CEP76: variants seen among roughly 807,000 people sequenced by gnomAD.
The protein encoded by CEP76 is centrosomal protein 76, also known as centrosomal protein of 76 kDa.
Under a neutral mutation model 83.3 loss-of-function variants are expected in CEP76, and 55 were observed. The ratio of observed to expected loss-of-function variants is 0.66; its 90% CI spans 0.53 to 0.83. The LOEUF is 0.83. Ranked by LOEUF, CEP76 falls within the 40% of genes least tolerant of loss-of-function variation. The pLI, the probability that CEP76 is intolerant of heterozygous loss-of-function variation, is 0.00. For missense variants in CEP76, 694 were observed against 799.5 expected, an observed-to-expected ratio of 0.87 and a Z score of 1.59; for synonymous variants, 270 against 274.5, an observed-to-expected ratio of 0.98 and a Z score of 0.16.
intron 9 of CEP76, 64 bp from the exon 10 acceptor site, chr18:12,678,506 G>C: frequency 1.8e-6 from 2 of 1,110,860 alleles, no homozygotes; most frequent in Non-Finnish European, 2.6e-6. Context: ...ATCTTACTGA[G>C]AAAATTATTC....
downstream of CEP76, among the ~76,000 whole-genome samples, chr18:12,669,995 C>CA (rs112045361): frequency 0.12 from 15,604 of 128,802 alleles, 941 homozygotes; most frequent in Non-Finnish European, 0.14. Context: ...CAAACTGTCT[C>CA]AAAAAAAAAA....
In CEP76 at chr18:12,699,157, A is replaced by C. The variant is rs760230672; in HGVS notation, c.342T>G (p.Gly114=). The C allele has an allele frequency of 1.2e-6, 2 of 1,614,088 alleles. No individual in the cohort carries two copies. Among genetic ancestry groups the C allele is most frequent in the South Asian group, 2.2e-5 (2 of 91,082 alleles). The part of the protein sequence containing the change: ...TRRYLYLQVL[G]GKAFLEHLQE... The stretch of plus-strand genomic sequence containing the variant: ...GCAGATGTTCCAAGAAAGCTTTTCC[A>C]CCCAAAACCTGAAGGTAAAGATACC... The change falls in exon 4 of 12, where the codon GGT becomes GGG. Residue 114 remains glycine, a synonymous_variant. Coordinates refer to ENST00000262127, the MANE Select transcript of CEP76 (RefSeq NM_024899.4).
chr18:12,702,709 G>A lies in CEP76; in HGVS notation c.-161C>T, dbSNP rs2040202338. 5 of 743,802 alleles carry A rather than the reference G, an allele frequency of 6.7e-6. No homozygotes were observed. In the South Asian group the frequency reaches 7.9e-5, roughly 12 times the overall value. 46.1% of individuals were successfully genotyped at this position (743,802 alleles called of 1,614,324 possible). A position where few individuals can be genotyped will look rare whatever the true frequency, so the allele number is the denominator to read the frequency against. On this transcript the variant is annotated 5_prime_UTR_variant, in exon 1 of 12. Transcript: ENST00000262127. The stretch of plus-strand genomic sequence containing the variant: ...GGACGCAACGCCGCGTCAGGCCGGG[G>A]GCTGACCTGGAAATGAGGCCCCGGC...
At chr18:12,702,416 G>A (rs772648012) in intron 1 of CEP76, 70 bp downstream of exon 1, 2 of 1,244,320 alleles carry the variant, frequency 1.6e-6, no homozygotes, top group South Asian at 1.2e-5. Flanking sequence ...CTGTCGGCCC[G>A]GGGCCGCCGG....
In CEP76 at chr18:12,695,366, ATTTTGAACTTC is replaced by A. The variant is rs762635359; in HGVS notation, c.707-26_707-16del. ...TGATTCTGTGCCTATAAACATAAAT[ATTTTGAACTTC>A]AGAGATTTCAATACTATATATATTT... On this transcript the variant is annotated splice_polypyrimidine_tract_variant and intron_variant, in intron 5 of 11. Coordinates refer to ENST00000262127, the MANE Select transcript of CEP76 (RefSeq NM_024899.4). The A allele has an allele frequency of 4.7e-6, 6 of 1,289,284 alleles. No homozygotes were observed. The highest frequency in any genetic ancestry group is 6.6e-6 in the Non-Finnish European group (6 of 913,434). The allele number at this position is 1,289,284 out of a possible 1,614,324, so 79.9% of individuals were successfully genotyped here. A position where few individuals can be genotyped will look rare whatever the true frequency, so the allele number is the denominator to read the frequency against.
intron 7 of CEP76, among the ~76,000 whole-genome samples, chr18:12,687,033 G>A (rs2039563658): frequency 6.6e-6 from 1 of 152,154 alleles, no homozygotes; most frequent in African/African-American, 2.4e-5. Context: ...TCCTGGTGTT[G>A]GTGCTGAATA....
intron 8 of CEP76, 83 bp from the exon 9 acceptor site, chr18:12,680,911 T>A (rs1316067608): frequency 2.7e-5 from 34 of 1,280,542 alleles, no homozygotes; most frequent in Non-Finnish European, 3.3e-5. Flanking sequence ...ATAATAAAAA[T>A]TTATTGGCTG....
At chr18:12,692,910 A>G (rs1215177546) in intron 6 of CEP76, among the ~76,000 whole-genome samples, 4 of 152,162 alleles carry the variant, frequency 2.6e-5, no homozygotes, top group Non-Finnish European at 5.9e-5. Flanking sequence ...GTAGCCTCGA[A>G]TTCCTGGGCT....
chr18:12,699,045 C>G lies in CEP76; in HGVS notation c.454G>C (p.Val152Leu), dbSNP rs760012314. 1.1e-5 allele frequency: 17 copies of G among 1,613,822 alleles called. No individual in the cohort carries two copies. The highest frequency in any genetic ancestry group is 1.4e-5 in the Non-Finnish European group (16 of 1,179,934). Residue 152 changes from valine (V) to leucine (L), a missense_variant, in exon 4 of 12, where the codon GTT becomes CTT. Physicochemically the swap from Val to Leu is conservative, Grantham distance 32. Coordinates refer to ENST00000262127, the MANE Select transcript of CEP76 (RefSeq NM_024899.4). ...AAATCTGGTTCACAGGCACATGGAA[C>G]AGGTTTAGAACGAAAACGTTGGTTT... ...YRNQRFRSKP[V>L]PCACEPDFHD...
chr18:12,702,706 G>A lies in CEP76; in HGVS notation c.-158C>T, dbSNP rs35699948. ...GGGGGACGCAACGCCGCGTCAGGCC[G>A]GGGGCTGACCTGGAAATGAGGCCCC... On this transcript the variant is annotated 5_prime_UTR_variant, in exon 1 of 12. Transcript: ENST00000262127. The A allele has an allele frequency of 2.6e-6, 2 of 769,668 alleles. No homozygotes were observed. The highest frequency in any genetic ancestry group is 1.9e-5 in the South Asian group (1 of 51,746). The allele number at this position is 769,668 out of a possible 1,614,324, so 47.7% of individuals were successfully genotyped here.
At chr18:12,675,467 C>G (rs1465878156) in intron 10 of CEP76, among the ~76,000 whole-genome samples, 1 of 152,094 alleles carries the variant, frequency 6.6e-6, no homozygotes, top group Non-Finnish European at 1.5e-5. Flanking sequence ...AAGACTGACT[C>G]TTCCTACCAT....
rs1337314132 is a variant in CEP76, at chr18:12,690,745, G to A, written c.933+614C>T. 7.9e-5 allele frequency among the ~76,000 whole-genome samples: 12 copies of A among 152,084 alleles called. 1 individual carries two copies. The highest frequency in any genetic ancestry group is 1.9e-4 in the East Asian group (1 of 5,196). On this transcript the variant is annotated intron_variant, in intron 7 of 11. Coordinates refer to ENST00000262127, the MANE Select transcript of CEP76 (RefSeq NM_024899.4). ...GCTGGGATTACAGGCGTGAGCCACC[G>A]CGCCTAGCTGACCTGACCATATATT...
At position 12,697,234 on chromosome 18, in the gene CEP76, A is replaced by G; in HGVS notation, c.695T>C (p.Leu232Pro). ...ENGVTSLTVE[L>P]MGVGTESKVS... is the part of the protein sequence containing the mutation. ...ATTAATCACCATACCTACACCCATA[A>G]GTTCCACAGTCAGACTGGTCACTCC... Residue 232 changes from leucine (L) to proline (P), a missense_variant, in exon 5 of 12, where the codon CTT becomes CCT. Physicochemically the swap from Leu to Pro is moderately conservative, Grantham distance 98. Coordinates refer to ENST00000262127, the MANE Select transcript of CEP76 (RefSeq NM_024899.4). 6.2e-7 allele frequency: 1 copy of G among 1,612,380 alleles called. No individual in the cohort carries two copies. Among genetic ancestry groups the G allele is most frequent in the Non-Finnish European group, 8.5e-7 (1 of 1,179,084 alleles).
intron 4 of CEP76, chr18:12,698,742 T>A: frequency 1.9e-6 from 1 of 523,872 alleles, no homozygotes; most frequent in Non-Finnish European, 3.4e-6. Flanking sequence ...TTTAAGTGTG[T>A]ATTACTAAAG....
intron 1 of CEP76, among the ~76,000 whole-genome samples, chr18:12,701,935 C>A (rs990592303): frequency 6.6e-6 from 1 of 152,094 alleles, no homozygotes; most frequent in Non-Finnish European, 1.5e-5. Flanking sequence ...TCGGGACCAG[C>A]CACACCAACA....
intron 5 of CEP76, among the ~76,000 whole-genome samples, chr18:12,696,445 G>T (rs2039961190): frequency 6.6e-6 from 1 of 152,118 alleles, no homozygotes; most frequent in South Asian, 2.1e-4. Flanking sequence ...GGGGGTTGCA[G>T]TGAGCCGAGA....
At position 12,702,708 on chromosome 18, in the gene CEP76, G is replaced by A. The variant is rs947528080; in HGVS notation, c.-160C>T. The A allele has an allele frequency of 4.0e-6, 3 of 743,012 alleles. No individual in the cohort carries two copies. The Admixed American group carries it at 9.6e-5, about 24-fold the overall frequency. 46.0% of individuals were successfully genotyped at this position (743,012 alleles called of 1,614,324 possible). A position where few individuals can be genotyped will look rare whatever the true frequency, so the allele number is the denominator to read the frequency against. ...GGGACGCAACGCCGCGTCAGGCCGG[G>A]GGCTGACCTGGAAATGAGGCCCCGG... On this transcript the variant is annotated 5_prime_UTR_variant, in exon 1 of 12. Coordinates refer to ENST00000262127, the MANE Select transcript of CEP76 (RefSeq NM_024899.4).
intron 7 of CEP76, among the ~76,000 whole-genome samples, chr18:12,688,378 G>A (rs755777874): frequency 6.6e-6 from 1 of 151,910 alleles, no homozygotes; most frequent in Admixed American, 6.6e-5. Flanking sequence ...AGGGTAAAAA[G>A]AATAATGAAT....
chr18:12,700,199 G>A (rs902690013), intron 2 of CEP76: 18 of 202,996 alleles, frequency 8.9e-5, no homozygotes, highest in African/African-American at 4.1e-4. Flanking sequence ...TAAACTTTCT[G>A]TAAACCTTAT....
Sources: allele counts gnomAD v4.1 joint callset (sites outside exome capture counted in the v4.1 genomes callset), GRCh38; gene constraint gnomAD v4.1.1; transcripts MANE v1.5; gene names NCBI Gene and HGNC (gene_info 2026-07-23, HGNC 2026-07-21).